The following GSE1 variants were observed in gnomAD, a reference collection of about 807,000 sequenced individuals.
The protein encoded by GSE1 is genetic suppressor element 1.
In GSE1, 32 loss-of-function variants were observed where a neutral mutation model predicts 112.6. The observed-to-expected ratio is 0.28, with a 90% CI of 0.21 to 0.38. GSE1 has a LOEUF of 0.38. Among genes scored for constraint, GSE1 ranks in the 10% least tolerant of loss-of-function variants. The probability of loss-of-function intolerance (pLI) is 1.00; values close to 1 mark genes in which losing one functional copy is unlikely to be tolerated. For synonymous variants in GSE1, 1,115 were observed against 735.6 expected (o/e 1.52, Z -8.35); for missense variants, 2,348 against 1,699.2 (o/e 1.38, Z -6.71).
At chr16:85,412,816 C>G (rs1210383694) in intron 2 of GSE1, among the ~76,000 whole-genome samples, 3 of 152,186 alleles carry the variant, frequency 2.0e-5, no homozygotes, top group Non-Finnish European at 4.4e-5. Context: ...TTAATCACAC[C>G]TGCAAACACC....
intron 1 of GSE1, among the ~76,000 whole-genome samples, chr16:85,565,938 C>T (rs988366993): frequency 1.3e-5 from 2 of 152,176 alleles, no homozygotes; most frequent in Non-Finnish European, 2.9e-5. Flanking sequence ...GAGGCTGCAG[C>T]GCTGCCTAAG....
At chr16:85,434,163 T>G (rs1330272331) in intron 2 of GSE1, among the ~76,000 whole-genome samples, 2 of 152,128 alleles carry the variant, frequency 1.3e-5, no homozygotes, top group Non-Finnish European at 2.9e-5. Flanking sequence ...AGACTTGCCA[T>G]GGTCCCAGGA....
rs977487584 is a variant in GSE1, at chr16:85,670,930, G to T, written c.3416-65G>T. 4.1e-6 allele frequency: 4 copies of T among 983,764 alleles called. No homozygotes were observed. In the African/African-American group the frequency reaches 6.4e-5, roughly 16 times the overall value. 60.9% of individuals were successfully genotyped at this position (983,764 alleles called of 1,614,324 possible). ...TCTGCTGGGCAGGGTGTGAAGAGGA[G>T]AGCACAAAGCGGGCCTTCGGGCTCC... On this transcript the variant is annotated intron_variant, in intron 14 of 15. Transcript: ENST00000253458.
At chr16:85,395,781 G>A (rs532050803) in intron 2 of GSE1, among the ~76,000 whole-genome samples, 26 of 152,238 alleles carry the variant, frequency 1.7e-4, no homozygotes, top group African/African-American at 5.5e-4. Flanking sequence ...TCCTCCCGCC[G>A]GCTTCCTCCT....
chr16:85,535,295 G>A (rs894464525), intron 2 of GSE1, among the ~76,000 whole-genome samples: 5 of 152,252 alleles, frequency 3.3e-5, no homozygotes, highest in Non-Finnish European at 7.3e-5. Context: ...TCCTTACGGA[G>A]CCCTCGGGGA....
At chr16:85,352,801 C>T (rs565051957) in intron 1 of GSE1, among the ~76,000 whole-genome samples, 108 of 152,320 alleles carry the variant, frequency 7.1e-4, no homozygotes, top group African/African-American at 2.4e-3. Flanking sequence ...CCTGGGAGTC[C>T]AGGCCAGCTG....
intron 2 of GSE1, among the ~76,000 whole-genome samples, chr16:85,544,032 G>A (rs1363293274): frequency 6.6e-6 from 1 of 152,074 alleles, no homozygotes; most frequent in Non-Finnish European, 1.5e-5. Flanking sequence ...ATGGGTTTTC[G>A]CCACATTGCT....
At chr16:85,621,641 C>T (rs546326633) in intron 1 of GSE1, among the ~76,000 whole-genome samples, 6 of 152,268 alleles carry the variant, frequency 3.9e-5, no homozygotes, top group African/African-American at 9.6e-5. Context: ...TGGGATCCTG[C>T]GGAGTGACTC....
At chr16:85,522,640 C>G (rs2052226141) in intron 2 of GSE1, among the ~76,000 whole-genome samples, 1 of 152,166 alleles carries the variant, frequency 6.6e-6, no homozygotes, top group African/African-American at 2.4e-5. Context: ...CATCTCTTGC[C>G]CCAGGTTCAC....
At chr16:85,387,342 G>A (rs1435803805) in intron 2 of GSE1, among the ~76,000 whole-genome samples, 4 of 152,138 alleles carry the variant, frequency 2.6e-5, no homozygotes, top group African/African-American at 9.7e-5. Flanking sequence ...TGCGAGGTCT[G>A]GCCTCAGCCT....
At chr16:85,531,026 C>A (rs1303227878) in intron 2 of GSE1, among the ~76,000 whole-genome samples, 4 of 152,276 alleles carry the variant, frequency 2.6e-5, no homozygotes, top group Non-Finnish European at 5.9e-5. Flanking sequence ...AGGGGCTGAT[C>A]TCTGGCTCCA....
At chr16:85,275,477 C>G (rs1315802149) in intron 1 of GSE1, among the ~76,000 whole-genome samples, 1 of 152,234 alleles carries the variant, frequency 6.6e-6, no homozygotes, top group Non-Finnish European at 1.5e-5. Flanking sequence ...CCAGAAGTAC[C>G]TCGGTGCGAG....
At chr16:85,601,834 G>A (rs2047479191) in intron 1 of GSE1, among the ~76,000 whole-genome samples, 2 of 152,216 alleles carry the variant, frequency 1.3e-5, no homozygotes. Flanking sequence ...TGAGGGCAGA[G>A]CTGCCCTGGA....
intron 1 of GSE1, among the ~76,000 whole-genome samples, chr16:85,614,015 G>A (rs1427811108): frequency 6.6e-6 from 1 of 151,782 alleles, no homozygotes; most frequent in East Asian, 2.0e-4. Context: ...TCCCGAGGAA[G>A]GGCGCGCCCC....
At chr16:85,209,217 C>G (rs1273588484) in intron 1 of GSE1, among the ~76,000 whole-genome samples, 2 of 152,176 alleles carry the variant, frequency 1.3e-5, no homozygotes, top group Non-Finnish European at 2.9e-5. Flanking sequence ...TCCTTTAACT[C>G]TCACAACAAC....
At chr16:85,637,615 G>A (rs886764803) in intron 2 of GSE1, among the ~76,000 whole-genome samples, 2 of 152,242 alleles carry the variant, frequency 1.3e-5, no homozygotes, top group African/African-American at 4.8e-5. Flanking sequence ...CACACCCTTC[G>A]CCTCTGGTGG....
intron 1 of GSE1, among the ~76,000 whole-genome samples, chr16:85,333,982 C>G (rs1279210352): frequency 1.3e-5 from 2 of 152,164 alleles, no homozygotes; most frequent in African/African-American, 4.8e-5. Context: ...ACTGTGACAA[C>G]CAAAATGTCC....
At chr16:85,558,278 G>A (rs1326274670) in intron 1 of GSE1, among the ~76,000 whole-genome samples, 1 of 152,236 alleles carries the variant, frequency 6.6e-6, no homozygotes, top group Admixed American at 6.5e-5. Flanking sequence ...GTCTGTGGCT[G>A]GGGAAAGCAG....
intron 1 of GSE1, among the ~76,000 whole-genome samples, chr16:85,179,341 C>A (rs553694304): frequency 3.9e-5 from 6 of 152,304 alleles, no homozygotes; most frequent in Non-Finnish European, 4.4e-5. Flanking sequence ...AGAGCTTCAT[C>A]CCGTTTTGTG....
Sources: gnomAD v4.1 joint callset for allele counts (sites outside exome capture counted in the v4.1 genomes callset) on GRCh38, gnomAD v4.1.1 for gene constraint, MANE v1.5 for transcripts, NCBI Gene and HGNC (gene_info 2026-07-23, HGNC 2026-07-21) for gene names.